The following ZNF69 variants were observed in gnomAD, a reference collection of about 807,000 sequenced individuals.
The protein encoded by ZNF69 is ZNF3.
In ZNF69, 47 loss-of-function variants were observed where a neutral mutation model predicts 50.9. The observed-to-expected ratio is 0.92, with a 90% CI of 0.73 to 1.18. The LOEUF is 1.18. Among genes scored for constraint, ZNF69 ranks in the 50% most tolerant of loss-of-function variants. The probability of loss-of-function intolerance (pLI) is 0.00; values close to 1 mark genes in which losing one functional copy is unlikely to be tolerated. For synonymous variants in ZNF69, 216 were observed against 223.1 expected, an observed-to-expected ratio of 0.97 and a Z score of 0.29; for missense variants, 717 against 675.1, an observed-to-expected ratio of 1.06 and a Z score of -0.69.
At chr19:11,948,567 T>A in the ZNF69 span, 1 of 1,607,504 alleles carries the variant, frequency 6.2e-7, no homozygotes, top group Non-Finnish European at 8.5e-7. Context: ...GCCCATCCAT[T>A]AGAACACAAG....
the ZNF69 span, among the ~76,000 whole-genome samples, chr19:11,951,648 G>A: frequency 6.6e-6 from 1 of 152,188 alleles, no homozygotes; most frequent in African/African-American, 2.4e-5. Context: ...ATATACTGTA[G>A]TGGTAAATAT....
At chr19:11,966,660 C>G in the ZNF69 span, among the ~76,000 whole-genome samples, 2 of 152,188 alleles carry the variant, frequency 1.3e-5, no homozygotes, top group African/African-American at 4.8e-5. Flanking sequence ...AGATGTGAGC[C>G]ACCTCGCCTG....
chr19:11,940,679 G>A, the ZNF69 span, among the ~76,000 whole-genome samples: 1 of 152,190 alleles, frequency 6.6e-6, no homozygotes, highest in African/African-American at 2.4e-5. Flanking sequence ...GGACCCGAGT[G>A]GGTTGCCACT....
At chr19:11,944,707 T>C in the ZNF69 span, among the ~76,000 whole-genome samples, 1 of 152,244 alleles carries the variant, frequency 6.6e-6, no homozygotes, top group African/African-American at 2.4e-5. Context: ...CCTGCAGATC[T>C]TCAAAGGGGG....
At chr19:11,924,207 C>T in the ZNF69 span, among the ~76,000 whole-genome samples, 2 of 151,718 alleles carry the variant, frequency 1.3e-5, no homozygotes, top group African/African-American at 2.4e-5. Context: ...CCGAGGCGGG[C>T]GGATCAAGAG....
chr19:11,891,188 G>A (rs370179580), intron 1 of ZNF69, among the ~76,000 whole-genome samples: 11 of 152,132 alleles, frequency 7.2e-5, no homozygotes, highest in Admixed American at 1.3e-4. Context: ...CACATTGGGA[G>A]GCCGAGGCAG....
chr19:11,934,960 CAGG>C, the ZNF69 span, among the ~76,000 whole-genome samples: 10 of 147,106 alleles, frequency 6.8e-5, 1 homozygote, highest in African/African-American at 8.0e-5. Flanking sequence ...GCGGGTGGAT[CAGG>C]AGGTCAGATC....
the ZNF69 span, among the ~76,000 whole-genome samples, chr19:11,968,519 G>C: frequency 6.6e-6 from 1 of 152,320 alleles, no homozygotes; most frequent in African/African-American, 2.4e-5. Flanking sequence ...TGGGATTATA[G>C]ACATGAGCAA....
At chr19:11,978,947 A>G in the ZNF69 span, 2 of 1,614,080 alleles carry the variant, frequency 1.2e-6, no homozygotes, top group Admixed American at 1.7e-5. Context: ...AGCCTTATCA[A>G]TGTAAGGAAT....
At chr19:11,889,073 T>C (rs1383328030) in intron 1 of ZNF69, among the ~76,000 whole-genome samples, 1 of 151,886 alleles carries the variant, frequency 6.6e-6, no homozygotes, top group South Asian at 2.1e-4. Context: ...TGGTTGAGAG[T>C]GTGAAGCTTT....
the ZNF69 span, among the ~76,000 whole-genome samples, chr19:11,944,446 A>G: frequency 4.0e-4 from 61 of 152,250 alleles, no homozygotes; most frequent in African/African-American, 1.4e-3. Flanking sequence ...GGTAGGCAGC[A>G]TGCAGTATCC....
the ZNF69 span, chr19:11,976,908 G>A: frequency 5.2e-5 from 79 of 1,532,524 alleles, no homozygotes; most frequent in East Asian, 4.2e-4. Context: ...TACAGAAAGC[G>A]AGAAAGGGAT....
At chr19:11,976,938 A>T in the ZNF69 span, 1 of 1,567,370 alleles carries the variant, frequency 6.4e-7, no homozygotes, top group South Asian at 1.2e-5. Context: ...AAAGCAGGGA[A>T]TAAATGTTTG....
the ZNF69 span, among the ~76,000 whole-genome samples, chr19:11,946,553 C>A: frequency 6.6e-6 from 1 of 151,982 alleles, no homozygotes; most frequent in African/African-American, 2.4e-5. Context: ...AACTAAGTGT[C>A]TGTGTACAGG....
At chr19:11,949,702 G>A in the ZNF69 span, 1 of 1,613,766 alleles carries the variant, frequency 6.2e-7, no homozygotes, top group Admixed American at 1.7e-5. Flanking sequence ...GACTCACACT[G>A]GAGAGAAACC....
intron 1 of ZNF69, among the ~76,000 whole-genome samples, chr19:11,896,218 A>T (rs1174465345): frequency 4.1e-5 from 2 of 49,284 alleles, no homozygotes; most frequent in South Asian, 4.1e-4. Flanking sequence ...AAACTCCATT[A>T]AAAAAAAAAA....
At chr19:11,947,019 T>TAA in the ZNF69 span, 1 of 1,220,446 alleles carries the variant, frequency 8.2e-7, no homozygotes, top group Non-Finnish European at 1.1e-6. Context: ...AATTGCTTTA[T>TAA]GGAAGAAAGT....
chr19:11,935,935 C>T, the ZNF69 span, among the ~76,000 whole-genome samples: 2 of 152,068 alleles, frequency 1.3e-5, no homozygotes, highest in Admixed American at 6.5e-5. Flanking sequence ...TCAGTTCCCA[C>T]CTATGAGTGA....
the ZNF69 span, chr19:11,978,860 T>G: frequency 2.5e-6 from 4 of 1,614,186 alleles, no homozygotes; most frequent in Non-Finnish European, 3.4e-6. Flanking sequence ...AGAAGCCCTG[T>G]GAATGTAGCA....
Sources: gnomAD v4.1 joint callset for allele counts (sites outside exome capture counted in the v4.1 genomes callset) on GRCh38, gnomAD v4.1.1 for gene constraint, MANE v1.5 for transcripts, NCBI Gene and HGNC (gene_info 2026-07-23, HGNC 2026-07-21) for gene names.